SPAG16: variants seen among roughly 807,000 people sequenced by gnomAD.
SPAG16 encodes sperm associated antigen 16.
SPAG16 carries 86 observed loss-of-function variants against 80.4 expected under a neutral mutation model. The observed-to-expected ratio is 1.07, with a 90% confidence interval of 0.90 to 1.28. SPAG16 has a LOEUF of 1.28. SPAG16 is among the 50% of genes most tolerant of loss of function. The pLI is 0.00. For missense variants in SPAG16, 870 were observed against 765.3 expected, an observed-to-expected ratio of 1.14 and a Z score of -1.61; for synonymous variants, 294 against 265.9, an observed-to-expected ratio of 1.11 and a Z score of -1.03.
At chr2:213,632,268 T>G (rs1453417951) in intron 10 of SPAG16, among the ~76,000 whole-genome samples, 3 of 152,172 alleles carry the variant, frequency 2.0e-5, no homozygotes, top group Non-Finnish European at 4.4e-5. Context: ...AAATTTTTTT[T>G]CACATTCTTC....
At chr2:214,013,876 T>G in intron 12 of SPAG16, 75 bp from the exon 13 acceptor site, 1 of 1,436,942 alleles carries the variant, frequency 7.0e-7, no homozygotes, top group East Asian at 2.4e-5. Flanking sequence ...CCTCAGTTCC[T>G]TAAATTATTT....
chr2:214,277,857 C>T (rs1292943370), intron 15 of SPAG16, among the ~76,000 whole-genome samples: 1 of 152,202 alleles, frequency 6.6e-6, no homozygotes, highest in African/African-American at 2.4e-5. Flanking sequence ...CAGACAGGGA[C>T]GTTTAAGTCT....
At chr2:213,541,192 G>C (rs563003373) in intron 10 of SPAG16, among the ~76,000 whole-genome samples, 1 of 152,334 alleles carries the variant, frequency 6.6e-6, no homozygotes, top group South Asian at 2.1e-4. Context: ...TGAGTAGTGA[G>C]AGCAGTAGGC....
intron 9 of SPAG16, among the ~76,000 whole-genome samples, chr2:213,448,953 C>T (rs556399495): frequency 6.6e-5 from 10 of 152,010 alleles, no homozygotes; most frequent in South Asian, 2.1e-4. Context: ...CCAGTGGGGT[C>T]GGGCAAAAAG....
chr2:213,345,812 C>A (rs555302467), intron 6 of SPAG16, among the ~76,000 whole-genome samples: 2 of 152,072 alleles, frequency 1.3e-5, no homozygotes, highest in Non-Finnish European at 2.9e-5. Flanking sequence ...AGTCAGGTAG[C>A]GTGATGCTTC....
intron 5 of SPAG16, among the ~76,000 whole-genome samples, chr2:213,330,767 A>G (rs543924994): frequency 6.6e-6 from 1 of 152,190 alleles, no homozygotes. Context: ...CCCAAATCTC[A>G]TCTTGAATTC....
At chr2:213,816,118 C>T (rs1464315225) in intron 10 of SPAG16, among the ~76,000 whole-genome samples, 1 of 152,146 alleles carries the variant, frequency 6.6e-6, no homozygotes, top group African/African-American at 2.4e-5. Context: ...GCTACCAACT[C>T]CCCATATCAA....
At chr2:214,219,815 C>T (rs879778622) in intron 15 of SPAG16, among the ~76,000 whole-genome samples, 1 of 152,050 alleles carries the variant, frequency 6.6e-6, no homozygotes, top group Non-Finnish European at 1.5e-5. Context: ...TTGCATGTGG[C>T]AATTCCCAGC....
intron 15 of SPAG16, among the ~76,000 whole-genome samples, chr2:214,340,119 A>C (rs1243235950): frequency 6.6e-6 from 1 of 152,218 alleles, no homozygotes; most frequent in Non-Finnish European, 1.5e-5. Flanking sequence ...TGAAGAAAGA[A>C]CAAGAACGCA....
intron 12 of SPAG16, among the ~76,000 whole-genome samples, chr2:213,958,543 T>C (rs116578726): frequency 0.057 from 8,669 of 152,258 alleles, 289 homozygotes; most frequent in South Asian, 0.11. Context: ...TTGAATAGTA[T>C]ACAAAAACTG....
At chr2:213,656,314 G>A (rs934977745) in intron 10 of SPAG16, among the ~76,000 whole-genome samples, 7 of 152,330 alleles carry the variant, frequency 4.6e-5, no homozygotes, top group Admixed American at 2.6e-4. Flanking sequence ...GGGACTGCAG[G>A]CGCCTGCCAC....
intron 10 of SPAG16, among the ~76,000 whole-genome samples, chr2:213,718,356 G>A (rs933519143): frequency 2.0e-5 from 3 of 151,944 alleles, no homozygotes; most frequent in South Asian, 4.1e-4. Context: ...GCTTGCTCTC[G>A]GCACCCCCCC....
intron 15 of SPAG16, among the ~76,000 whole-genome samples, chr2:214,316,519 C>T (rs1391780456): frequency 2.0e-5 from 3 of 152,118 alleles, no homozygotes; most frequent in African/African-American, 4.8e-5. Context: ...TTATTTGGGG[C>T]TCTTTTTATA....
chr2:214,362,028 T>C (rs909709621), intron 15 of SPAG16, among the ~76,000 whole-genome samples: 2 of 151,872 alleles, frequency 1.3e-5, no homozygotes, highest in African/African-American at 4.8e-5. Flanking sequence ...GTCAGGATTG[T>C]TTACTGTGGT....
intron 9 of SPAG16, chr2:213,422,120 C>T (rs1232979924): frequency 2.9e-6 from 2 of 688,074 alleles, no homozygotes; most frequent in East Asian, 2.7e-5. Flanking sequence ...AAATGACCCC[C>T]TGCTTGCCAC....
intron 9 of SPAG16, among the ~76,000 whole-genome samples, chr2:213,388,539 C>CTTGACCAGAGACAGTCCATAACAATAAAT (rs2067570770): frequency 2.0e-5 from 3 of 152,240 alleles, no homozygotes; most frequent in African/African-American, 7.2e-5. Flanking sequence ...GTTACTGATC[C>CTTGACCAGAGACAGTCCATAACAATAAAT]TTGACCAGAG....
chr2:213,956,439 T>G (rs1333255455), intron 12 of SPAG16, among the ~76,000 whole-genome samples: 2 of 137,066 alleles, frequency 1.5e-5, no homozygotes, highest in Non-Finnish European at 3.1e-5. Context: ...TTACTCCATT[T>G]TTTTTCCTTT....
intron 15 of SPAG16, among the ~76,000 whole-genome samples, chr2:214,353,706 A>G (rs1250495227): frequency 6.6e-6 from 1 of 152,158 alleles, no homozygotes; most frequent in Non-Finnish European, 1.5e-5. Context: ...AAGATATTTA[A>G]ACTTCTCCTG....
At chr2:214,029,589 T>C (rs1443153210) in intron 13 of SPAG16, among the ~76,000 whole-genome samples, 1 of 147,892 alleles carries the variant, frequency 6.8e-6, no homozygotes, top group Non-Finnish European at 1.5e-5. Context: ...AAGAGGAAGA[T>C]GTGGTTAGAG....
Sources: gnomAD v4.1 joint callset for allele counts (sites outside exome capture counted in the v4.1 genomes callset) on GRCh38, gnomAD v4.1.1 for gene constraint, MANE v1.5 for transcripts, NCBI Gene and HGNC (gene_info 2026-07-23, HGNC 2026-07-21) for gene names.